The following VWA2 variants were observed in gnomAD, a reference collection of about 807,000 sequenced individuals.
VWA2 encodes von Willebrand factor A domain containing 2.
VWA2 carries 73 observed loss-of-function variants against 70.4 expected under a neutral mutation model. The observed-to-expected ratio is 1.04, with a 90% CI of 0.86 to 1.26. The LOEUF (loss-of-function observed/expected upper bound fraction) is 1.26. Among genes scored for constraint, VWA2 ranks in the 50% most tolerant of loss-of-function variants. The probability of loss-of-function intolerance (pLI) is 0.00; values close to 1 mark genes in which losing one functional copy is unlikely to be tolerated. For synonymous variants in VWA2, 407 were observed against 423.3 expected, an observed-to-expected ratio of 0.96 and a Z score of 0.47; for missense variants, 1,011 against 998.5, an observed-to-expected ratio of 1.01 and a Z score of -0.17.
In VWA2 at chr10:114,289,332, G is replaced by C; in HGVS notation, c.1965G>C (p.Leu655=). Residue 655 remains leucine, a synonymous_variant, in exon 12 of 14, where the codon CTG becomes CTC. Coordinates refer to ENST00000392982, the MANE Select transcript of VWA2 (RefSeq NM_001272046.2). ...AEDAAVPAQK[L]RNNGISVLVV... ...ATGCAGCCGTTCCTGCCCAGAAGCT[G>C]AGGAACAATGGCATCTCTGTCTTGG... 6.2e-7 allele frequency: 1 copy of C among 1,614,264 alleles called. No individual in the cohort carries two copies. Among genetic ancestry groups the C allele is most frequent in the African/African-American group, 1.3e-5 (1 of 75,082 alleles).
intron 6 of VWA2, among the ~76,000 whole-genome samples, chr10:114,273,586 T>G (rs7899113): frequency 0.25 from 37,933 of 152,102 alleles, 5,083 homozygotes; most frequent in African/African-American, 0.33. Flanking sequence ...CTTAATGCTC[T>G]CAAACCAAAA....
chr10:114,286,865 C>T (rs1196579648), intron 11 of VWA2, among the ~76,000 whole-genome samples: 1 of 152,216 alleles, frequency 6.6e-6, no homozygotes, highest in African/African-American at 2.4e-5. Flanking sequence ...GGCTCCAGAG[C>T]AGCAGCTTCC....
In VWA2 at chr10:114,277,978, G is replaced by T. The variant is rs1350208780; in HGVS notation, c.631G>T (p.Val211Leu). ...RGQHVLLAEQ[V>L]EDATNGLFST... ...GCAGCACGTGCTGTTGGCTGAGCAGGTGGAGGATGCCACCAACGGCCTCTT... is the reference window on the plus strand; with the variant it reads ...GCAGCACGTGCTGTTGGCTGAGCAGTTGGAGGATGCCACCAACGGCCTCTT... Residue 211 changes from valine (V) to leucine (L), a missense_variant, in exon 7 of 14, where the codon GTG becomes TTG. By Grantham distance (32) the Val-to-Leu change is conservative. Transcript: ENST00000392982. 1.2e-5 allele frequency: 19 copies of T among 1,613,150 alleles called. No homozygotes were observed. In the Admixed American group the frequency reaches 2.0e-4, roughly 17 times the overall value.
At chr10:114,269,994 A>G (rs1331254321) in intron 5 of VWA2, among the ~76,000 whole-genome samples, 1 of 152,252 alleles carries the variant, frequency 6.6e-6, no homozygotes, top group Non-Finnish European at 1.5e-5. Context: ...CTTTTTCAGT[A>G]AAAGTTGTAT....
chr10:114,248,721 C>A lies in VWA2; in HGVS notation c.8C>A (p.Pro3His). The change falls in exon 2 of 14, where the codon CCT becomes CAT. Residue 3 changes from proline (P) to histidine (H), a missense_variant. Coordinates refer to ENST00000392982, the MANE Select transcript of VWA2 (RefSeq NM_001272046.2). ...CCCTGTAGTTATATCAACATGCCCC[C>A]TTTCCTGTTGCTGGAAGCCGTCTGT... The part of the protein sequence containing the change: MP[P>H]FLLLEAVCVF... 2 of 1,613,602 alleles carry A rather than the reference C, an allele frequency of 1.2e-6. No individual in the cohort carries two copies. Among genetic ancestry groups the A allele is most frequent in the Non-Finnish European group, 1.7e-6 (2 of 1,179,552 alleles).
rs961262142 is a variant in VWA2 at position 114,261,320 on chromosome 10, G to A, written c.371+25G>A. 4 of 1,590,336 alleles carry A rather than the reference G, an allele frequency of 2.5e-6. No individual in the cohort carries two copies. In the South Asian group the frequency reaches 3.3e-5, roughly 13 times the overall value. On this transcript the variant is annotated intron_variant, in intron 5 of 13. Transcript: ENST00000392982. ...AGTATGTATGATCAGATACTGCTGT[G>A]GTTAGGGTGACGCCAACTGCTCTTA... is the stretch of plus-strand genomic sequence containing the variant.
intron 5 of VWA2, among the ~76,000 whole-genome samples, chr10:114,269,574 C>G (rs1017257102): frequency 6.6e-6 from 1 of 152,060 alleles, no homozygotes; most frequent in Non-Finnish European, 1.5e-5. Context: ...GAGTGAGACT[C>G]TGTCTCAAAA....
chr10:114,259,059 A>G (rs569560623), intron 4 of VWA2, among the ~76,000 whole-genome samples: 2 of 152,250 alleles, frequency 1.3e-5, no homozygotes, highest in Non-Finnish European at 2.9e-5. Context: ...CATTTCCAGT[A>G]GCCCTATGCA....
chr10:114,292,013 C>T lies in VWA2; in HGVS notation c.*776C>T, dbSNP rs768963891. ...GAGGCTGCGGCCAGAGACTGTGGCT[C>T]ATGCCTGTAATCCCAGCACTTTGGA... On this transcript the variant is annotated 3_prime_UTR_variant, in exon 14 of 14. Transcript: ENST00000392982. 3.3e-5 allele frequency among the ~76,000 whole-genome samples: 5 copies of T among 152,166 alleles called. No homozygotes were observed. Among genetic ancestry groups the T allele is most frequent in the Non-Finnish European group, 4.4e-5 (3 of 68,052 alleles).
Position 114,289,329 on chromosome 10 carries a change from G to A in VWA2, c.1962G>A (p.Lys654=), listed in dbSNP as rs972541373. 6.2e-7 allele frequency: 1 copy of A among 1,614,254 alleles called. No homozygotes were observed. Among genetic ancestry groups the A allele is most frequent in the Non-Finnish European group, 8.5e-7 (1 of 1,180,046 alleles). ...AGGATGCAGCCGTTCCTGCCCAGAAGCTGAGGAACAATGGCATCTCTGTCT... is the reference window on the plus strand; with the variant it reads ...AGGATGCAGCCGTTCCTGCCCAGAAACTGAGGAACAATGGCATCTCTGTCT... The part of the protein sequence containing the change: ...GAEDAAVPAQ[K]LRNNGISVLV... The change falls in exon 12 of 14, where the codon AAG becomes AAA. Residue 654 remains lysine, a synonymous_variant. Coordinates refer to ENST00000392982, the MANE Select transcript of VWA2 (RefSeq NM_001272046.2).
rs115765026 is a variant in VWA2, at chr10:114,278,905, T to C, written c.833+54T>C. 1,138 of 1,605,712 alleles carry C rather than the reference T, an allele frequency of 7.1e-4. 5 individuals are homozygous for C. The African/African-American group carries it at 0.014, about 20-fold the overall frequency. ...GGGTGGAGATGAAGGCCCCCACCCC[T>C]GAGCTGCGGGGAGGATAGTACTTTG... On this transcript the variant is annotated intron_variant, in intron 8 of 13. Transcript: ENST00000392982.
At chr10:114,282,999 C>T (rs914049168) in intron 9 of VWA2, among the ~76,000 whole-genome samples, 1 of 152,176 alleles carries the variant, frequency 6.6e-6, no homozygotes, top group Non-Finnish European at 1.5e-5. Context: ...AGTGAAGATT[C>T]AGTAGATAAT....
At chr10:114,277,266 C>T (rs1338530526) in intron 6 of VWA2, among the ~76,000 whole-genome samples, 1 of 147,838 alleles carries the variant, frequency 6.8e-6, no homozygotes, top group Admixed American at 6.8e-5. Flanking sequence ...TCACTGCATC[C>T]TCCACCTCCC....
At chr10:114,256,197 T>C (rs572413132) in intron 4 of VWA2, among the ~76,000 whole-genome samples, 12 of 152,326 alleles carry the variant, frequency 7.9e-5, no homozygotes, top group African/African-American at 2.9e-4. Flanking sequence ...CTGTAAAATA[T>C]TTCAGGCAAT....
chr10:114,287,713 G>T (rs982094222), intron 11 of VWA2, among the ~76,000 whole-genome samples: 4 of 152,142 alleles, frequency 2.6e-5, no homozygotes, highest in African/African-American at 4.8e-5. Context: ...AATAGTTGTA[G>T]ATTTATAGGA....
At chr10:114,265,871 TG>T (rs2037550861) in intron 5 of VWA2, among the ~76,000 whole-genome samples, 7 of 152,174 alleles carry the variant, frequency 4.6e-5, no homozygotes, top group Admixed American at 3.3e-4. Context: ...TGGCCCCAGT[TG>T]TGGGGTCACT....
intron 5 of VWA2, among the ~76,000 whole-genome samples, chr10:114,263,789 G>A (rs1262344211): frequency 6.6e-6 from 1 of 152,120 alleles, no homozygotes; most frequent in East Asian, 1.9e-4. Context: ...TATATTTACA[G>A]AGTTAAGCAA....
chr10:114,274,598 C>T (rs923090904), intron 6 of VWA2, among the ~76,000 whole-genome samples: 2 of 152,036 alleles, frequency 1.3e-5, no homozygotes, highest in African/African-American at 4.8e-5. Flanking sequence ...CTTCAGCCTT[C>T]TGAGTAGCTG....
intron 1 of VWA2, among the ~76,000 whole-genome samples, chr10:114,243,855 G>A (rs932522693): frequency 1.3e-5 from 2 of 152,218 alleles, no homozygotes; most frequent in Admixed American, 6.5e-5. Context: ...TCACATGCCT[G>A]CTGTCCCAAG....
Sources: allele counts gnomAD v4.1 joint callset (sites outside exome capture counted in the v4.1 genomes callset), GRCh38; gene constraint gnomAD v4.1.1; transcripts MANE v1.5; gene names NCBI Gene and HGNC (gene_info 2026-07-23, HGNC 2026-07-21).